The following KSR1 variants were observed in gnomAD, a reference collection of about 807,000 sequenced individuals.
The protein encoded by KSR1 is kinase suppressor of ras.
KSR1 carries 35 observed loss-of-function variants against 92.9 expected under a neutral mutation model. The ratio of observed to expected loss-of-function variants is 0.38; its 90% CI spans 0.29 to 0.50. The LOEUF is 0.50. KSR1 is among the 20% of genes least tolerant of loss of function. The pLI, the probability that KSR1 is intolerant of heterozygous loss-of-function variation, is 0.94. For synonymous variants in KSR1, 467 were observed against 472.6 expected, an observed-to-expected ratio of 0.99 and a Z score of 0.15; for missense variants, 972 against 1,158.5, an observed-to-expected ratio of 0.84 and a Z score of 2.34.
chr17:27,575,020 G>T (rs1440642476), intron 2 of KSR1, among the ~76,000 whole-genome samples: 1 of 152,204 alleles, frequency 6.6e-6, no homozygotes, highest in Non-Finnish European at 1.5e-5. Flanking sequence ...TGTCCCATTG[G>T]TTTTTTATAT....
intron 19 of KSR1, 50 bp from the exon 20 acceptor site, chr17:27,621,143 C>T (rs953305453): frequency 2.0e-5 from 8 of 398,502 alleles, no homozygotes; most frequent in Admixed American, 8.8e-5. Context: ...ATGCCGGGGC[C>T]GGACTGCGCT....
chr17:27,461,281 G>A (rs1481515898), intron 1 of KSR1, among the ~76,000 whole-genome samples: 5 of 152,038 alleles, frequency 3.3e-5, no homozygotes, highest in African/African-American at 9.7e-5. Flanking sequence ...GGGTTTTGCC[G>A]TGTTGGCCAG....
At chr17:27,617,163 G>T in intron 18 of KSR1, 132 bp from the exon 19 acceptor site, 1 of 930,298 alleles carries the variant, frequency 1.1e-6, no homozygotes, top group Non-Finnish European at 1.5e-6. Flanking sequence ...CTTCATGTCG[G>T]CAGGGTGTTC....
chr17:27,578,063 A>G, intron 3 of KSR1: 1 of 304,356 alleles, frequency 3.3e-6, no homozygotes, highest in Non-Finnish European at 6.4e-6. Flanking sequence ...AAGGGTGATT[A>G]GGGAAACTCT....
chr17:27,508,388 C>G (rs1879918), intron 1 of KSR1, among the ~76,000 whole-genome samples: 142,428 of 152,284 alleles, frequency 0.94, 66,706 homozygotes, highest in East Asian at 1. Context: ...CTCCCACTGA[C>G]CTGGAAGGTG....
intron 1 of KSR1, among the ~76,000 whole-genome samples, chr17:27,463,467 G>GAAAA (rs963635192): frequency 9.1e-6 from 1 of 109,646 alleles, no homozygotes; most frequent in Non-Finnish European, 1.9e-5. Flanking sequence ...GGATGACAGA[G>GAAAA]AAAAAAAAAA....
intron 1 of KSR1, chr17:27,472,120 A>C (rs2020042806): frequency 6.6e-6 from 1 of 152,334 alleles, no homozygotes; most frequent in African/African-American, 2.4e-5. Flanking sequence ...AAACAAGACC[A>C]AGAGACAGCC....
intron 9 of KSR1, among the ~76,000 whole-genome samples, chr17:27,594,372 CT>C (rs1300485352): frequency 1.3e-5 from 2 of 151,998 alleles, no homozygotes; most frequent in African/African-American, 4.8e-5. Context: ...ATAATTGCCC[CT>C]GCCTCTCCTC....
chr17:27,603,381 C>A (rs1033067496), intron 11 of KSR1, among the ~76,000 whole-genome samples: 1 of 152,240 alleles, frequency 6.6e-6, no homozygotes, highest in Non-Finnish European at 1.5e-5. Flanking sequence ...CTGCCACCGG[C>A]CTTGCTGGCC....
chr17:27,524,500 C>T (rs769448192), intron 1 of KSR1, among the ~76,000 whole-genome samples: 3 of 152,192 alleles, frequency 2.0e-5, no homozygotes, highest in Non-Finnish European at 2.9e-5. Flanking sequence ...TAGATCTCCC[C>T]TCCCCATCCC....
At chr17:27,602,758 G>A (rs965561843) in intron 11 of KSR1, among the ~76,000 whole-genome samples, 1 of 152,204 alleles carries the variant, frequency 6.6e-6, no homozygotes, top group Non-Finnish European at 1.5e-5. Flanking sequence ...AGGCCTTACC[G>A]GTAGAGGCTT....
intron 2 of KSR1, among the ~76,000 whole-genome samples, chr17:27,573,536 C>T (rs115157684): frequency 0.011 from 1,639 of 152,296 alleles, 23 homozygotes; most frequent in African/African-American, 0.037. Flanking sequence ...GCCAACTGTT[C>T]GAATCTTGTT....
At chr17:27,578,516 T>G (rs977385346) in intron 3 of KSR1, 1 of 152,298 alleles carries the variant, frequency 6.6e-6, no homozygotes. Context: ...GTGTGGCTGG[T>G]GTTCTTGTTC....
chr17:27,463,043 T>G (rs1218965840), intron 1 of KSR1, among the ~76,000 whole-genome samples: 1 of 152,248 alleles, frequency 6.6e-6, no homozygotes, highest in Admixed American at 6.5e-5. Flanking sequence ...AACGAGTATC[T>G]TCCTACAAGT....
At chr17:27,587,623 G>T (rs984689869) in intron 5 of KSR1, 1 of 152,250 alleles carries the variant, frequency 6.6e-6, no homozygotes, top group African/African-American at 2.4e-5. Flanking sequence ...CCGGACCCCC[G>T]AAGCCCACCC....
intron 3 of KSR1, chr17:27,578,084 A>T: frequency 1.5e-5 from 4 of 272,446 alleles, no homozygotes; most frequent in South Asian, 1.3e-4. Flanking sequence ...ATGGCTCTTT[A>T]GCTGGGAGTG....
Position 27,597,416 on chromosome 17 carries a change from A to G in KSR1, c.1448A>G (p.Asp483Gly). The G allele has an allele frequency of 6.2e-7, 1 of 1,608,676 alleles. No homozygotes were observed. Among genetic ancestry groups the G allele is most frequent in the Non-Finnish European group, 8.5e-7 (1 of 1,176,548 alleles). ...CCCAACCCCTCACCTGGCCAGCGGG[A>G]CAGCAGGTTCAACTTCCCAGGTACC... The part of the protein sequence containing the change: ...TPPNPSPGQR[D>G]SRFNFPAAYF... The change falls in exon 10 of 21, where the codon GAC becomes GGC. Residue 483 changes from aspartate (D) to glycine (G), a missense_variant. By Grantham distance (94) the Asp-to-Gly change is moderately conservative. Around this residue, in one of 5 missense-constraint regions of KSR1, gnomAD observed 611 missense variants for 668.0 expected, o/e 0.91. Coordinates refer to ENST00000644974, the MANE Select transcript of KSR1 (RefSeq NM_001394583.1).
rs1438345688 is a variant in KSR1 at position 27,623,039 on chromosome 17, C to A, written c.2709-275C>A. The A allele has an allele frequency of 6.0e-6, 3 of 503,638 alleles. No homozygotes were observed. In the East Asian group the frequency reaches 1.1e-4, roughly 19 times the overall value. 31.2% of individuals were successfully genotyped at this position (503,638 alleles called of 1,614,324 possible). A position where few individuals can be genotyped will look rare whatever the true frequency, so the allele number is the denominator to read the frequency against. On this transcript the variant is annotated intron_variant, in intron 20 of 20. Coordinates refer to ENST00000644974, the MANE Select transcript of KSR1 (RefSeq NM_001394583.1). ...TGGGCTGCAAATGAGAAAACAATTC[C>A]TAGGAACCCACAGCAGTACTGAGCA...
intron 7 of KSR1, 112 bp downstream of exon 7, chr17:27,591,006 T>C: frequency 1.2e-6 from 1 of 861,378 alleles, no homozygotes; most frequent in African/African-American, 1.7e-5. Flanking sequence ...CAGGGAGTGA[T>C]CAGGTCTCTT....
Sources: gnomAD v4.1 joint callset for allele counts (sites outside exome capture counted in the v4.1 genomes callset) on GRCh38, gnomAD v4.1.1 for gene constraint, gnomAD v4.1.1 regional missense constraint, MANE v1.5 for transcripts, NCBI Gene and HGNC (gene_info 2026-07-23, HGNC 2026-07-21) for gene names.